The following AP1AR variants were observed in gnomAD, a reference collection of about 807,000 sequenced individuals.
The protein encoded by AP1AR is adaptor related protein complex 1 associated regulatory protein.
AP1AR carries 29 observed loss-of-function variants against 46.3 expected under a neutral mutation model. That is an observed-to-expected ratio of 0.63 (90% confidence interval 0.47 to 0.85). The LOEUF is 0.85. Ranked by LOEUF, AP1AR falls within the 40% of genes least tolerant of loss-of-function variation. The pLI is 0.00. For missense variants in AP1AR, 357 were observed against 356.3 expected (o/e 1.00, Z -0.02); for synonymous variants, 122 against 122.9 (o/e 0.99, Z 0.05).
At chr4:112,267,097 T>C (rs182990257) in intron 9 of AP1AR, among the ~76,000 whole-genome samples, 34 of 151,924 alleles carry the variant, frequency 2.2e-4, no homozygotes, top group African/African-American at 8.2e-4. Context: ...TACAAAGTTA[T>C]ATTAGTATCT....
intron 1 of AP1AR, among the ~76,000 whole-genome samples, chr4:112,238,493 A>G (rs1725348777): frequency 6.6e-6 from 1 of 152,170 alleles, no homozygotes; most frequent in African/African-American, 2.4e-5. Context: ...TAGTGTCAGC[A>G]TTAGAAGATT....
At chr4:112,264,858 G>C (rs1234091024) in intron 6 of AP1AR, 151 bp from the exon 7 acceptor site, 2 of 598,574 alleles carry the variant, frequency 3.3e-6, no homozygotes, top group Non-Finnish European at 5.7e-6. Flanking sequence ...ATATAGAATT[G>C]AATAGTGATG....
At position 112,266,580 on chromosome 4, in the gene AP1AR, T is replaced by C. The variant is rs758687369; in HGVS notation, c.515-8T>C. ...AGAGTATTCAATTGTATTTCGTGTATATTCTAGGACTCTCATCAGATGCTA... is the reference window on the plus strand; with the variant it reads ...AGAGTATTCAATTGTATTTCGTGTACATTCTAGGACTCTCATCAGATGCTA... On this transcript the variant is annotated splice_region_variant and splice_polypyrimidine_tract_variant and intron_variant, in intron 8 of 9. Coordinates refer to ENST00000274000, the MANE Select transcript of AP1AR (RefSeq NM_018569.6). The C allele has an allele frequency of 1.2e-6, 2 of 1,607,026 alleles. No homozygotes were observed. The highest frequency in any genetic ancestry group is 2.2e-5 in the East Asian group (1 of 44,542).
rs1463527980 is a variant in AP1AR at position 112,272,260 on chromosome 4, A to G, written c.*3851A>G. On this transcript the variant is annotated 3_prime_UTR_variant, in exon 10 of 10. Coordinates refer to ENST00000274000, the MANE Select transcript of AP1AR (RefSeq NM_018569.6). ...GATATGAACAGGGCAGGACAGCGCC[A>G]CAAAGACTGTGAGGGCTGGTGACAG... Among the ~76,000 whole-genome samples, 1 of 152,198 alleles carries G rather than the reference A, an allele frequency of 6.6e-6. No homozygotes were observed. The highest frequency in any genetic ancestry group is 2.4e-5 in the African/African-American group (1 of 41,450).
intron 6 of AP1AR, among the ~76,000 whole-genome samples, 168 bp from the exon 7 acceptor site, chr4:112,264,841 T>G: frequency 6.6e-6 from 1 of 151,934 alleles, no homozygotes; most frequent in East Asian, 1.9e-4. Flanking sequence ...TTCCCATAAA[T>G]AAGGGGATAT....
intron 3 of AP1AR, among the ~76,000 whole-genome samples, chr4:112,257,427 TATAA>T (rs1726244530): frequency 6.6e-6 from 1 of 152,148 alleles, no homozygotes; most frequent in Non-Finnish European, 1.5e-5. Context: ...CAACTGTTAA[TATAA>T]ATGAGAACAT....
At chr4:112,260,588 A>C (rs1391460843) in intron 4 of AP1AR, among the ~76,000 whole-genome samples, 178 bp from the exon 5 acceptor site, 1 of 152,248 alleles carries the variant, frequency 6.6e-6, no homozygotes, top group Non-Finnish European at 1.5e-5. Context: ...TACTAGAATA[A>C]TAGCAAGTGT....
intron 1 of AP1AR, among the ~76,000 whole-genome samples, chr4:112,241,015 C>A (rs1293909774): frequency 4.6e-5 from 7 of 152,146 alleles, no homozygotes; most frequent in Admixed American, 4.6e-4. Flanking sequence ...TAGCAAAGAA[C>A]TAAAAGACCT....
In AP1AR at chr4:112,268,678, C is replaced by T. The variant is rs540730361; in HGVS notation, c.*269C>T. On this transcript the variant is annotated 3_prime_UTR_variant, in exon 10 of 10. Transcript: ENST00000274000. ...AATTTACTTTGTCTTGTCTTTATAG[C>T]ATTTCTGTTTACTATGGTAGATTTC... 1 of 283,718 alleles carries T rather than the reference C, an allele frequency of 3.5e-6. No individual in the cohort carries two copies. The highest frequency in any genetic ancestry group is 6.5e-6 in the Non-Finnish European group (1 of 154,154). 17.6% of individuals were successfully genotyped at this position (283,718 alleles called of 1,614,324 possible).
chr4:112,251,794 T>C (rs1420989864), intron 1 of AP1AR, among the ~76,000 whole-genome samples: 1 of 152,210 alleles, frequency 6.6e-6, no homozygotes, highest in East Asian at 1.9e-4. Flanking sequence ...GTCCATGAAA[T>C]CTGTGGAATT....
At chr4:112,241,025 TC>T (rs1725473872) in intron 1 of AP1AR, among the ~76,000 whole-genome samples, 6 of 152,152 alleles carry the variant, frequency 3.9e-5, no homozygotes, top group Admixed American at 3.3e-4. Context: ...CTAAAAGACC[TC>T]TAAGGTCCCT....
In AP1AR at chr4:112,271,796, G is replaced by T. The variant is rs1235101274; in HGVS notation, c.*3387G>T. 1.3e-5 allele frequency among the ~76,000 whole-genome samples: 2 copies of T among 152,174 alleles called. No individual in the cohort carries two copies. The highest frequency in any genetic ancestry group is 2.9e-5 in the Non-Finnish European group (2 of 68,040). ...ATATATGTCTGCAGCCCAAGAAAGA[G>T]GTCTAGGTTCAAGTTTGGGAGTCAT... On this transcript the variant is annotated 3_prime_UTR_variant, in exon 10 of 10. Coordinates refer to ENST00000274000, the MANE Select transcript of AP1AR (RefSeq NM_018569.6).
At chr4:112,253,373 A>G (rs368201084) in intron 2 of AP1AR, 117 bp downstream of exon 2, 1 of 728,862 alleles carries the variant, frequency 1.4e-6, no homozygotes, top group East Asian at 2.7e-5. Flanking sequence ...TTATATTTCA[A>G]TATTATTCAT....
At chr4:112,264,978 T>A in intron 6 of AP1AR, 31 bp from the exon 7 acceptor site, 9 of 1,545,176 alleles carry the variant, frequency 5.8e-6, no homozygotes, top group Non-Finnish European at 7.9e-6. Context: ...TACAACAGAG[T>A]GATTTTTTTT....
intron 5 of AP1AR, among the ~76,000 whole-genome samples, chr4:112,262,752 C>G (rs1726508385): frequency 1.3e-5 from 2 of 152,186 alleles, no homozygotes; most frequent in African/African-American, 4.8e-5. Flanking sequence ...AGAATAGATG[C>G]TACTGCTTCA....
chr4:112,247,914 T>G (rs979528211), intron 1 of AP1AR, among the ~76,000 whole-genome samples: 1 of 152,196 alleles, frequency 6.6e-6, no homozygotes, highest in Non-Finnish European at 1.5e-5. Flanking sequence ...AATATTATGA[T>G]GGGTGGATTA....
chr4:112,238,098 G>A (rs1203479033), intron 1 of AP1AR, among the ~76,000 whole-genome samples: 1 of 152,214 alleles, frequency 6.6e-6, no homozygotes, highest in Non-Finnish European at 1.5e-5. Flanking sequence ...ATAGGCAGAG[G>A]GCCAGATTTG....
chr4:112,250,768 A>G (rs1311295098), intron 1 of AP1AR, among the ~76,000 whole-genome samples: 3 of 152,188 alleles, frequency 2.0e-5, no homozygotes, highest in Non-Finnish European at 4.4e-5. Context: ...GTCTCAATCT[A>G]ATCCATTTTA....
At chr4:112,246,477 G>A (rs1725732139) in intron 1 of AP1AR, among the ~76,000 whole-genome samples, 1 of 152,216 alleles carries the variant, frequency 6.6e-6, no homozygotes, top group African/African-American at 2.4e-5. Context: ...CTGCACTCCA[G>A]CCTGGGCGAC....
Sources: gnomAD v4.1 joint callset for allele counts (sites outside exome capture counted in the v4.1 genomes callset) on GRCh38, gnomAD v4.1.1 for gene constraint, MANE v1.5 for transcripts, NCBI Gene and HGNC (gene_info 2026-07-23, HGNC 2026-07-21) for gene names.